The following ACBD5 variants were observed in gnomAD, a reference collection of about 807,000 sequenced individuals.
ACBD5 encodes the protein acyl-CoA-binding domain-containing protein 5.
Under a neutral mutation model 71.8 loss-of-function variants are expected in ACBD5, and 40 were observed. The observed-to-expected ratio is 0.56, with a 90% CI of 0.43 to 0.72. The LOEUF is 0.72. ACBD5 is among the 30% of genes least tolerant of loss of function. The pLI is 0.00. For synonymous variants in ACBD5, 229 were observed against 218.6 expected (o/e 1.05, Z -0.42); for missense variants, 559 against 644.5 (o/e 0.87, Z 1.44).
chr10:27,211,445 C>T (rs757136910), intron 8 of ACBD5, among the ~76,000 whole-genome samples: 7 of 152,034 alleles, frequency 4.6e-5, no homozygotes, highest in East Asian at 1.9e-4. Flanking sequence ...CTCAGCCTCC[C>T]GAGTAGCTGG....
intron 9 of ACBD5, among the ~76,000 whole-genome samples, chr10:27,209,860 C>G (rs1618826): frequency 0.18 from 27,565 of 152,116 alleles, 3,015 homozygotes; most frequent in East Asian, 0.29. Context: ...CATAAATTCC[C>G]TAGTTAGGTT....
intron 9 of ACBD5, among the ~76,000 whole-genome samples, 181 bp downstream of exon 9, chr10:27,210,633 C>A (rs900798480): frequency 1.3e-5 from 2 of 152,114 alleles, no homozygotes; most frequent in African/African-American, 4.8e-5. Flanking sequence ...TGGTGGGTGC[C>A]TATAATCCCA....
Position 27,206,297 on chromosome 10 carries a change from T to C in ACBD5, c.1405-1049A>G, listed in dbSNP as rs75296759. 7.9e-3 allele frequency among the ~76,000 whole-genome samples: 1,192 copies of C among 151,748 alleles called. 17 individuals carry two copies. Among genetic ancestry groups the C allele is most frequent in the African/African-American group, 0.027 (1,132 of 41,358 alleles). ...AATATCACTAAAGATATTGAATATA[T>C]GTAAAATATTCTTTAAAAAAAAAAA... On this transcript the variant is annotated intron_variant, in intron 10 of 12. Coordinates refer to ENST00000396271, the MANE Select transcript of ACBD5 (RefSeq NM_145698.5).
intron 2 of ACBD5, among the ~76,000 whole-genome samples, chr10:27,235,870 T>C (rs2064605556): frequency 6.6e-6 from 1 of 152,192 alleles, no homozygotes; most frequent in Non-Finnish European, 1.5e-5. Flanking sequence ...CCCAGCACTT[T>C]GTGAGGCTGA....
rs561056760 is a variant in ACBD5, at chr10:27,198,122, G to A, written c.1566-680C>T. ...AAGAGGATAATAGATGTACGACCTG[G>A]AGTATTCACTTAATCAACATGGATT... On this transcript the variant is annotated intron_variant, in intron 12 of 12. Transcript: ENST00000396271. 2.6e-5 allele frequency among the ~76,000 whole-genome samples: 4 copies of A among 152,294 alleles called. No individual in the cohort carries two copies. The South Asian group carries it at 6.2e-4, about 24-fold the overall frequency.
intron 10 of ACBD5, among the ~76,000 whole-genome samples, chr10:27,207,016 G>A (rs1042437297): frequency 6.6e-5 from 10 of 151,626 alleles, no homozygotes; most frequent in South Asian, 4.2e-4. Flanking sequence ...GGTGGCTCAC[G>A]CCTGTAATCC....
At chr10:27,206,899 A>G (rs1348107081) in intron 10 of ACBD5, among the ~76,000 whole-genome samples, 1 of 152,170 alleles carries the variant, frequency 6.6e-6, no homozygotes, top group Non-Finnish European at 1.5e-5. Context: ...TCAAAAATGC[A>G]AGATCAAAGA....
At chr10:27,217,145 C>CAAAAAA (rs375519969) in intron 7 of ACBD5, among the ~76,000 whole-genome samples, 3 of 83,230 alleles carry the variant, frequency 3.6e-5, no homozygotes, top group African/African-American at 1.6e-4. Flanking sequence ...GACTCTGTCT[C>CAAAAAA]AAAAAAAAAA....
intron 8 of ACBD5, among the ~76,000 whole-genome samples, chr10:27,212,427 T>C (rs1564614170): frequency 6.6e-6 from 1 of 152,172 alleles, no homozygotes; most frequent in African/African-American, 2.4e-5. Flanking sequence ...GATTAATCTC[T>C]ATCTGGTCCC....
chr10:27,199,627 T>C (rs983004190), intron 12 of ACBD5, among the ~76,000 whole-genome samples: 1 of 152,068 alleles, frequency 6.6e-6, no homozygotes, highest in Non-Finnish European at 1.5e-5. Context: ...GGGCCTGACT[T>C]TTTGTGTCAG....
chr10:27,237,148 C>T (rs2064816909), intron 2 of ACBD5, among the ~76,000 whole-genome samples: 1 of 151,754 alleles, frequency 6.6e-6, no homozygotes, highest in Non-Finnish European at 1.5e-5. Flanking sequence ...TTTAAAACAT[C>T]AAAAGTCTAA....
chr10:27,195,159 T>C, downstream of ACBD5: 1 of 341,306 alleles, frequency 2.9e-6, no homozygotes, highest in Non-Finnish European at 5.7e-6. Flanking sequence ...CTACTTACTC[T>C]CATTGAATTC....
chr10:27,196,598 T>C lies in ACBD5; in HGVS notation c.*832A>G, dbSNP rs768810888. 3.3e-5 allele frequency: 15 copies of C among 453,814 alleles called. No individual in the cohort carries two copies. The highest frequency in any genetic ancestry group is 2.3e-4 in the South Asian group (15 of 64,332). 28.1% of individuals were successfully genotyped at this position (453,814 alleles called of 1,614,324 possible). A position where few individuals can be genotyped will look rare whatever the true frequency, so the allele number is the denominator to read the frequency against. On this transcript the variant is annotated 3_prime_UTR_variant, in exon 13 of 13. Transcript: ENST00000396271. ...TAAAAACAGTATAAATAAGTTTTCA[T>C]TTTATATTTCAAAGCACCCTATGAA... is the stretch of plus-strand genomic sequence containing the variant.
At chr10:27,232,793 C>G (rs1589356159) in intron 3 of ACBD5, among the ~76,000 whole-genome samples, 1 of 152,244 alleles carries the variant, frequency 6.6e-6, no homozygotes, top group South Asian at 2.1e-4. Context: ...ATAGTTCTTT[C>G]AAATTTTTGC....
intron 7 of ACBD5, among the ~76,000 whole-genome samples, chr10:27,216,868 C>G (rs531624897): frequency 6.6e-6 from 1 of 152,110 alleles, no homozygotes; most frequent in African/African-American, 2.4e-5. Flanking sequence ...GTTTCTTGGC[C>G]GGGCACTGTG....
rs547308258 is a variant in ACBD5 at position 27,235,792 on chromosome 10, C to G, written c.182-580G>C. On this transcript the variant is annotated intron_variant, in intron 2 of 12. Coordinates refer to ENST00000396271, the MANE Select transcript of ACBD5 (RefSeq NM_145698.5). ...GATAATTCTTCATATATGTTTCTAGCATATCTATAGTTTTTCTCATGTTTA... is the reference window on the plus strand; with the variant it reads ...GATAATTCTTCATATATGTTTCTAGGATATCTATAGTTTTTCTCATGTTTA... Among the ~76,000 whole-genome samples the G allele has an allele frequency of 2.6e-5, 4 of 152,236 alleles. No individual in the cohort carries two copies. The South Asian group carries it at 8.3e-4, about 32-fold the overall frequency.
At position 27,196,399 on chromosome 10, in the gene ACBD5, T is replaced by C. The variant is rs1226022156; in HGVS notation, c.*1031A>G. The C allele has an allele frequency of 2.2e-6, 1 of 454,368 alleles. No homozygotes were observed. The highest frequency in any genetic ancestry group is 2.3e-5 in the Admixed American group (1 of 42,556). 28.1% of individuals were successfully genotyped at this position (454,368 alleles called of 1,614,324 possible). ...GTTAGCTGGGCATGCCTTATTCCTATGGAAGCATTTGGCCCGTTAGCTTGC... is the reference window on the plus strand; with the variant it reads ...GTTAGCTGGGCATGCCTTATTCCTACGGAAGCATTTGGCCCGTTAGCTTGC... On this transcript the variant is annotated 3_prime_UTR_variant, in exon 13 of 13. Transcript: ENST00000396271.
At chr10:27,224,625 C>A (rs1312655620) in intron 4 of ACBD5, among the ~76,000 whole-genome samples, 1 of 152,152 alleles carries the variant, frequency 6.6e-6, no homozygotes, top group African/African-American at 2.4e-5. Context: ...AACTAAACAG[C>A]CATCAATTGG....
chr10:27,219,288 C>G (rs1241847436), intron 6 of ACBD5, among the ~76,000 whole-genome samples: 1 of 146,576 alleles, frequency 6.8e-6, no homozygotes, highest in African/African-American at 2.5e-5. Flanking sequence ...GCCTGGGCAA[C>G]AGAGCGAGAC....
Sources: allele counts gnomAD v4.1 joint callset (sites outside exome capture counted in the v4.1 genomes callset), GRCh38; gene constraint gnomAD v4.1.1; transcripts MANE v1.5; gene names NCBI Gene and HGNC (gene_info 2026-07-23, HGNC 2026-07-21).